TOMM40: variants seen among roughly 807,000 people sequenced by gnomAD.
The protein encoded by TOMM40 is translocase of outer mitochondrial membrane 40.
Under a neutral mutation model 38.4 loss-of-function variants are expected in TOMM40, and 9 were observed. The ratio of observed to expected loss-of-function variants is 0.23; its 90% CI spans 0.14 to 0.41. TOMM40 has a LOEUF of 0.41. Ranked by LOEUF, TOMM40 falls within the 10% of genes least tolerant of loss-of-function variation. The pLI, the probability that TOMM40 is intolerant of heterozygous loss-of-function variation, is 1.00. For missense variants in TOMM40, 299 were observed against 486.5 expected (o/e 0.61, Z 3.63); for synonymous variants, 184 against 210.0 (o/e 0.88, Z 1.07).
intron 5 of TOMM40, 108 bp downstream of exon 5, chr19:44,894,174 A>T (rs1397144746): frequency 1.3e-6 from 1 of 798,674 alleles, no homozygotes; most frequent in Non-Finnish European, 1.9e-6. Flanking sequence ...GAAGTGGCTC[A>T]GCAGGAGTGA....
intron 5 of TOMM40, among the ~76,000 whole-genome samples, chr19:44,895,104 G>A (rs917508063): frequency 2.0e-5 from 3 of 152,282 alleles, no homozygotes; most frequent in South Asian, 2.1e-4. Flanking sequence ...CCACTGTGTC[G>A]TGGAGAGCAG....
intron 5 of TOMM40, among the ~76,000 whole-genome samples, chr19:44,896,946 G>A (rs1218570018): frequency 6.6e-6 from 1 of 152,180 alleles, no homozygotes; most frequent in Non-Finnish European, 1.5e-5. Context: ...CCCAACTACT[G>A]GGGACGCTGA....
intron 5 of TOMM40, among the ~76,000 whole-genome samples, chr19:44,900,456 G>A (rs1969657415): frequency 6.6e-6 from 1 of 152,158 alleles, no homozygotes; most frequent in Non-Finnish European, 1.5e-5. Flanking sequence ...AAGTGGTGGT[G>A]ACCCCCTCTG....
chr19:44,891,445 G>C lies in TOMM40; in HGVS notation c.30G>C (p.Pro10=). Residue 10 remains proline, a synonymous_variant, in exon 1 of 9, where the codon CCG becomes CCC. Coordinates refer to ENST00000426677, the MANE Select transcript of TOMM40 (RefSeq NM_001128917.2). MGNVLAASS[P]PAGPPPPPAP... is the part of the protein sequence containing the mutation. ...GGAACGTGTTGGCTGCCAGCTCGCCGCCCGCAGGGCCGCCACCGCCGCCTG... is the reference window on the plus strand; with the variant it reads ...GGAACGTGTTGGCTGCCAGCTCGCCCCCCGCAGGGCCGCCACCGCCGCCTG... The C allele has an allele frequency of 3.9e-6, 5 of 1,292,766 alleles. No individual in the cohort carries two copies. Among genetic ancestry groups the C allele is most frequent in the Non-Finnish European group, 4.9e-6 (5 of 1,025,410 alleles). 80.1% of individuals were successfully genotyped at this position (1,292,766 alleles called of 1,614,324 possible). A position where few individuals can be genotyped will look rare whatever the true frequency, so the allele number is the denominator to read the frequency against.
chr19:44,891,396 C>G lies in TOMM40; in HGVS notation c.-20C>G. ...CGGGCCCTGACCTCTGCCCTCTGAC[C>G]TCTCCCCTAGCAGGCGACCATGGGG... On this transcript the variant is annotated 5_prime_UTR_variant, in exon 1 of 9. Coordinates refer to ENST00000426677, the MANE Select transcript of TOMM40 (RefSeq NM_001128917.2). The G allele has an allele frequency of 2.4e-6, 3 of 1,276,254 alleles. No individual in the cohort carries two copies. Among genetic ancestry groups the G allele is most frequent in the Non-Finnish European group, 3.0e-6 (3 of 1,014,528 alleles). 79.1% of individuals were successfully genotyped at this position (1,276,254 alleles called of 1,614,324 possible). A position where few individuals can be genotyped will look rare whatever the true frequency, so the allele number is the denominator to read the frequency against.
chr19:44,893,935 G>A lies in TOMM40; in HGVS notation c.538-26G>A, dbSNP rs1269094270. 14 of 1,597,138 alleles carry A rather than the reference G, an allele frequency of 8.8e-6. No individual in the cohort carries two copies. The East Asian group carries it at 1.3e-4, about 15-fold the overall frequency. On this transcript the variant is annotated intron_variant, in intron 4 of 8. Transcript: ENST00000426677. The stretch of plus-strand genomic sequence containing the variant: ...CCTCGGCCACCGTGAGCAGGGAGCC[G>A]CCCTCACACCCCCTCCTCTCCACAG...
intron 8 of TOMM40, chr19:44,901,685 C>T (rs186699179): frequency 1.9e-5 from 6 of 323,042 alleles, no homozygotes; most frequent in South Asian, 1.5e-4. Context: ...TGCGGTGAGC[C>T]GAGATCGTGC....
At position 44,892,467 on chromosome 19, in the gene TOMM40, C is replaced by T. The variant is rs938320742; in HGVS notation, c.342+7C>T. 2 of 1,612,116 alleles carry T rather than the reference C, an allele frequency of 1.2e-6. No individual in the cohort carries two copies. Among genetic ancestry groups the T allele is most frequent in the Admixed American group, 1.7e-5 (1 of 60,008 alleles). ...GTTGAGTAACCATTTTCAGGTGAGC[C>T]TTCCTGGTGTCCTTACCCACCAGAG... On this transcript the variant is annotated splice_region_variant and intron_variant, in intron 2 of 8. Coordinates refer to ENST00000426677, the MANE Select transcript of TOMM40 (RefSeq NM_001128917.2).
At chr19:44,902,780 C>T (rs1341787459) in intron 8 of TOMM40, 3 of 430,120 alleles carry the variant, frequency 7.0e-6, no homozygotes, top group Non-Finnish European at 1.2e-5. Context: ...GTGGGCAGGA[C>T]TAGGTTGGGG....
At chr19:44,902,838 G>A (rs755850537) in intron 8 of TOMM40, 192 bp from the exon 9 acceptor site, 12 of 646,802 alleles carry the variant, frequency 1.9e-5, no homozygotes, top group South Asian at 1.0e-4. Flanking sequence ...GTCACTGAGC[G>A]GAGAGCAGAG....
intron 5 of TOMM40, among the ~76,000 whole-genome samples, chr19:44,896,156 G>A (rs1328060138): frequency 6.6e-6 from 1 of 152,136 alleles, no homozygotes; most frequent in Non-Finnish European, 1.5e-5. Flanking sequence ...CTGGCCTCCT[G>A]GAGCCCAGGG....
At chr19:44,902,711 C>A (rs2122785904) in intron 8 of TOMM40, 1 of 234,382 alleles carries the variant, frequency 4.3e-6, no homozygotes, top group East Asian at 9.9e-5. Context: ...GCTGGGGCCA[C>A]AGCGGTGACC....
At chr19:44,900,616 A>G in intron 5 of TOMM40, 114 bp from the exon 6 acceptor site, 1 of 1,585,768 alleles carries the variant, frequency 6.3e-7, no homozygotes, top group Non-Finnish European at 8.6e-7. Flanking sequence ...CCCTTGAGGG[A>G]GGCCTGAGAG....
At chr19:44,897,090 G>C (rs181484901) in intron 5 of TOMM40, among the ~76,000 whole-genome samples, 1 of 152,036 alleles carries the variant, frequency 6.6e-6, no homozygotes, top group Non-Finnish European at 1.5e-5. Flanking sequence ...CTCAGGGCAC[G>C]AGGGAGCCAT....
intron 2 of TOMM40, 120 bp from the exon 3 acceptor site, chr19:44,892,717 C>T (rs1969490749): frequency 1.1e-6 from 1 of 873,788 alleles, no homozygotes; most frequent in African/African-American, 1.7e-5. Flanking sequence ...CTCTGAGTCT[C>T]TTAGTCAGGC....
rs375279513 is a variant in TOMM40, at chr19:44,898,523, T to TG, written c.644-2207_644-2206insG. Among the ~76,000 whole-genome samples, 476 of 139,178 alleles carry TG rather than the reference T, an allele frequency of 3.4e-3. 4 individuals are homozygous for TG. The highest frequency in any genetic ancestry group is 0.013 in the African/African-American group (453 of 35,928). 91.3% of individuals were successfully genotyped at this position (139,178 alleles called of 152,430 possible). ...AGATGTGTTGTTTCTTTTTTTTTTT[T>TG]TCTTTTTTTTTTTTTTTTGTCTTTT... is the stretch of plus-strand genomic sequence containing the variant. On this transcript the variant is annotated intron_variant, in intron 5 of 8. Transcript: ENST00000426677.
At chr19:44,894,567 G>T (rs1030799391) in intron 5 of TOMM40, among the ~76,000 whole-genome samples, 1 of 151,914 alleles carries the variant, frequency 6.6e-6, no homozygotes, top group Non-Finnish European at 1.5e-5. Flanking sequence ...CAGCCAGTCA[G>T]CGCAATTTTA....
intron 5 of TOMM40, among the ~76,000 whole-genome samples, chr19:44,897,050 C>T (rs1480132346): frequency 1.3e-5 from 2 of 152,068 alleles, no homozygotes; most frequent in African/African-American, 4.8e-5. Context: ...CATCCAAGGC[C>T]TTGCAGGTGT....
At chr19:44,902,556 T>C (rs1969702398) in intron 8 of TOMM40, 1 of 152,802 alleles carries the variant, frequency 6.5e-6, no homozygotes, top group Non-Finnish European at 1.5e-5. Context: ...TAGTGGAAAC[T>C]GAGGCTTCCA....
Sources: gnomAD v4.1 joint callset for allele counts (sites outside exome capture counted in the v4.1 genomes callset) on GRCh38, gnomAD v4.1.1 for gene constraint, MANE v1.5 for transcripts, NCBI Gene and HGNC (gene_info 2026-07-23, HGNC 2026-07-21) for gene names.